Variants in HOOK1 observed in about 807,000 individuals in gnomAD.
HOOK1 encodes protein Hook homolog 1.
Under a neutral mutation model 112.8 loss-of-function variants are expected in HOOK1, and 60 were observed. The ratio of observed to expected loss-of-function variants is 0.53; its 90% CI spans 0.43 to 0.66. HOOK1 has a LOEUF of 0.66. Among genes scored for constraint, HOOK1 ranks in the 30% least tolerant of loss-of-function variants. The probability of loss-of-function intolerance (pLI) is 0.00; values close to 1 mark genes in which losing one functional copy is unlikely to be tolerated. For missense variants in HOOK1, 770 were observed against 856.0 expected (o/e 0.90, Z 1.25); for synonymous variants, 294 against 283.8 (o/e 1.04, Z -0.36).
intron 12 of HOOK1, among the ~76,000 whole-genome samples, chr1:59,854,032 ATATATAT>A (rs1346169874): frequency 4.8e-4 from 11 of 23,022 alleles, no homozygotes; most frequent in African/African-American, 2.5e-3. Context: ...ATATATATAT[ATATATAT>A]TTTTTTTTTT....
At chr1:59,835,286 G>T in intron 5 of HOOK1, 59 bp from the exon 6 acceptor site, 1 of 886,152 alleles carries the variant, frequency 1.1e-6, no homozygotes. Flanking sequence ...TAATTTGATG[G>T]CTAAGGTACT....
chr1:59,861,215 C>A (rs1216971125), intron 15 of HOOK1, among the ~76,000 whole-genome samples: 2 of 152,152 alleles, frequency 1.3e-5, no homozygotes, highest in Non-Finnish European at 2.9e-5. Flanking sequence ...TCTGGCCCAC[C>A]AGGCTACTTA....
chr1:59,863,989 T>C (rs1272797238), intron 16 of HOOK1: 1 of 163,290 alleles, frequency 6.1e-6, no homozygotes, highest in Admixed American at 6.6e-5. Flanking sequence ...ATGTCTTTAT[T>C]ATTTTAATAT....
chr1:59,825,267 GAAC>G (rs2098389009), intron 2 of HOOK1, among the ~76,000 whole-genome samples: 1 of 152,158 alleles, frequency 6.6e-6, no homozygotes, highest in Non-Finnish European at 1.5e-5. Flanking sequence ...TGATAGTACA[GAAC>G]AACTGTAAAT....
At position 59,873,173 on chromosome 1, in the gene HOOK1, T is replaced by C. The variant is rs572058922; in HGVS notation, c.*208T>C. On this transcript the variant is annotated 3_prime_UTR_variant, in exon 22 of 22. Coordinates refer to ENST00000371208, the MANE Select transcript of HOOK1 (RefSeq NM_015888.6). Reference sequence around the variant, plus strand: ...TTAGCCATCTCTCTGAGGGAGCACATTTGAATAATTGGAGATGCAGTTATA... The same window carrying C: ...TTAGCCATCTCTCTGAGGGAGCACACTTGAATAATTGGAGATGCAGTTATA... 17 of 376,792 alleles carry C rather than the reference T, an allele frequency of 4.5e-5. 1 individual carries two copies. The South Asian group carries it at 1.7e-3, about 38-fold the overall frequency. 23.3% of individuals were successfully genotyped at this position (376,792 alleles called of 1,614,324 possible).
At chr1:59,866,000 G>A (rs368816494) in intron 19 of HOOK1, 28 bp downstream of exon 19, 19 of 1,264,174 alleles carry the variant, frequency 1.5e-5, no homozygotes, top group Non-Finnish European at 2.1e-5. Context: ...CGGAGCTCAA[G>A]ACTTTGTGGC....
At chr1:59,819,057 T>A (rs374022478) in intron 1 of HOOK1, among the ~76,000 whole-genome samples, 1 of 152,154 alleles carries the variant, frequency 6.6e-6, no homozygotes, top group Non-Finnish European at 1.5e-5. Flanking sequence ...TCTGTCTTTT[T>A]TGGGTCACTC....
chr1:59,850,365 C>T (rs538777220), intron 12 of HOOK1, among the ~76,000 whole-genome samples: 1 of 151,160 alleles, frequency 6.6e-6, no homozygotes, highest in South Asian at 2.1e-4. Flanking sequence ...CCAAGTATTA[C>T]ATTTTGATGA....
chr1:59,853,501 C>A (rs1279478705), intron 12 of HOOK1, among the ~76,000 whole-genome samples: 1 of 151,926 alleles, frequency 6.6e-6, no homozygotes, highest in Non-Finnish European at 1.5e-5. Flanking sequence ...AGATCTATTT[C>A]TTTCACCTAG....
At position 59,840,404 on chromosome 1, in the gene HOOK1, A is replaced by T. The variant is rs367888508; in HGVS notation, c.621+13A>T. ...ATTGGATATGCAGGTACGGGAAAAA[A>T]CCCTGAGCTGAGAAAAACTTCCTCT... On this transcript the variant is annotated intron_variant, in intron 8 of 21. Coordinates refer to ENST00000371208, the MANE Select transcript of HOOK1 (RefSeq NM_015888.6). 4 of 1,521,276 alleles carry T rather than the reference A, an allele frequency of 2.6e-6. No homozygotes were observed. Among genetic ancestry groups the T allele is most frequent in the Non-Finnish European group, 3.5e-6 (4 of 1,135,628 alleles). The allele number at this position is 1,521,276 out of a possible 1,614,324, so 94.2% of individuals were successfully genotyped here.
At chr1:59,871,262 T>C (rs903729110) in intron 21 of HOOK1, 152 bp downstream of exon 21, 2 of 551,008 alleles carry the variant, frequency 3.6e-6, no homozygotes, top group African/African-American at 3.8e-5. Context: ...AGTTACCCTG[T>C]GTATTGCACT....
chr1:59,848,617 A>G (rs1270485360), intron 11 of HOOK1, 101 bp downstream of exon 11: 21 of 766,276 alleles, frequency 2.7e-5, no homozygotes, highest in Non-Finnish European at 4.1e-5. Flanking sequence ...GAAGCGTTGC[A>G]TGTAATAAGC....
chr1:59,821,356 C>T (rs753059951), intron 1 of HOOK1, among the ~76,000 whole-genome samples: 59 of 152,212 alleles, frequency 3.9e-4, no homozygotes, highest in Middle Eastern at 3.4e-3. Flanking sequence ...TTCTTCAAGA[C>T]GTAAGGCCAA....
intron 1 of HOOK1, among the ~76,000 whole-genome samples, chr1:59,819,514 A>T (rs372325436): frequency 6.6e-5 from 10 of 152,224 alleles, no homozygotes; most frequent in African/African-American, 2.4e-4. Context: ...GAGTGAAATC[A>T]AATTACATTC....
chr1:59,847,976 G>A (rs1472430070), intron 10 of HOOK1, among the ~76,000 whole-genome samples: 2 of 151,708 alleles, frequency 1.3e-5, no homozygotes, highest in African/African-American at 2.4e-5. Context: ...AGGTTGGCCT[G>A]TAAGCTGCAG....
At position 59,818,348 on chromosome 1, in the gene HOOK1, C is replaced by T. The variant is rs371509678; in HGVS notation, c.63+3168C>T. On this transcript the variant is annotated intron_variant, in intron 1 of 21. Coordinates refer to ENST00000371208, the MANE Select transcript of HOOK1 (RefSeq NM_015888.6). Reference sequence around the variant, plus strand: ...CCAACATCAACAGAATTAGAGAAGTCATCAAGAAAAGTTAGTTATGTGAAG... The same window carrying T: ...CCAACATCAACAGAATTAGAGAAGTTATCAAGAAAAGTTAGTTATGTGAAG... Among the ~76,000 whole-genome samples the T allele has an allele frequency of 1.8e-4, 27 of 152,282 alleles. 1 individual carries two copies. Among genetic ancestry groups the T allele is most frequent in the East Asian group, 9.6e-4 (5 of 5,186 alleles).
chr1:59,821,784 T>C (rs1041078952), intron 1 of HOOK1, 74 bp from the exon 2 acceptor site: 26 of 1,106,846 alleles, frequency 2.3e-5, no homozygotes, highest in Middle Eastern at 2.1e-4. Context: ...TGTTTTCAAT[T>C]TATGTTTGCA....
intron 12 of HOOK1, among the ~76,000 whole-genome samples, chr1:59,850,454 G>T (rs1333676625): frequency 6.6e-6 from 1 of 151,220 alleles, no homozygotes; most frequent in East Asian, 1.9e-4. Flanking sequence ...TGTAACCTAA[G>T]GTACAAAGAT....
intron 8 of HOOK1, among the ~76,000 whole-genome samples, chr1:59,843,199 T>C (rs923968969): frequency 2.0e-5 from 3 of 151,228 alleles, no homozygotes; most frequent in African/African-American, 7.3e-5. Flanking sequence ...TTTAAAGATA[T>C]AGTTACTCTA....
Sources: gnomAD v4.1 joint callset for allele counts (sites outside exome capture counted in the v4.1 genomes callset) on GRCh38, gnomAD v4.1.1 for gene constraint, MANE v1.5 for transcripts, NCBI Gene and HGNC (gene_info 2026-07-23, HGNC 2026-07-21) for gene names.